The following SUSD4 variants were observed in gnomAD, a reference collection of about 807,000 sequenced individuals.
SUSD4 encodes the protein sushi domain-containing protein 4.
A neutral mutation model predicts 50.5 loss-of-function variants in SUSD4; 41 were observed. That is an observed-to-expected ratio of 0.81 (90% CI 0.63 to 1.05). SUSD4 has a LOEUF of 1.05. SUSD4 is among the 50% of genes least tolerant of loss of function. The pLI is 0.00. For synonymous variants in SUSD4, 257 were observed against 257.3 expected (o/e 1.00, Z 0.01); for missense variants, 580 against 634.7 (o/e 0.91, Z 0.93).
At chr1:223,308,197 G>A (rs1341861127) in intron 2 of SUSD4, among the ~76,000 whole-genome samples, 2 of 152,150 alleles carry the variant, frequency 1.3e-5, no homozygotes, top group Admixed American at 1.3e-4. Context: ...AGTGTTGGAG[G>A]TGGGGCCTGG....
chr1:223,241,767 A>T (rs1348500327), intron 5 of SUSD4, among the ~76,000 whole-genome samples: 1 of 152,118 alleles, frequency 6.6e-6, no homozygotes, highest in African/African-American at 2.4e-5. Flanking sequence ...CTGACTTAGG[A>T]GCTAAGTGCT....
intron 2 of SUSD4, among the ~76,000 whole-genome samples, chr1:223,306,225 C>T (rs1665526841): frequency 6.6e-6 from 1 of 152,168 alleles, no homozygotes; most frequent in Non-Finnish European, 1.5e-5. Context: ...GATAACAATG[C>T]TAACTCATAA....
chr1:223,273,737 T>G (rs1313473305), intron 3 of SUSD4, among the ~76,000 whole-genome samples: 4 of 152,096 alleles, frequency 2.6e-5, no homozygotes, highest in South Asian at 4.2e-4. Context: ...GCTTGGTGAG[T>G]TTCCCTGGTT....
intron 2 of SUSD4, among the ~76,000 whole-genome samples, chr1:223,304,330 C>A (rs1665382922): frequency 6.6e-6 from 1 of 152,170 alleles, no homozygotes; most frequent in South Asian, 2.1e-4. Context: ...TTTACACAAT[C>A]CTGCATGCAA....
chr1:223,235,438 G>A (rs1424950404), intron 5 of SUSD4, among the ~76,000 whole-genome samples: 2 of 152,126 alleles, frequency 1.3e-5, no homozygotes, highest in Non-Finnish European at 2.9e-5. Flanking sequence ...TAAATGTGTA[G>A]TGACATGTAT....
intron 2 of SUSD4, among the ~76,000 whole-genome samples, chr1:223,310,518 A>G (rs1665810347): frequency 6.6e-6 from 1 of 152,212 alleles, no homozygotes; most frequent in Admixed American, 6.5e-5. Context: ...AACAACAACA[A>G]TAAAAGAAAT....
chr1:223,335,194 AT>A lies in SUSD4; in HGVS notation c.148+28083del, dbSNP rs112039576. Among the ~76,000 whole-genome samples the A allele has an allele frequency of 6.6e-5, 10 of 152,076 alleles. No individual in the cohort carries two copies. The South Asian group carries it at 1.7e-3, about 25-fold the overall frequency. ...CTGCTATAAACATGTGTATGCAAGT[AT>A]TTTTTTTCATATAATGACTTCTTTT... On this transcript the variant is annotated intron_variant, in intron 2 of 8. Coordinates refer to ENST00000366878, the MANE Select transcript of SUSD4 (RefSeq NM_017982.4).
intron 5 of SUSD4, among the ~76,000 whole-genome samples, chr1:223,230,001 G>T (rs1013201332): frequency 2.6e-5 from 4 of 152,174 alleles, no homozygotes; most frequent in African/African-American, 9.7e-5. Flanking sequence ...ACACCACACT[G>T]TGTGACCTTA....
intron 8 of SUSD4, among the ~76,000 whole-genome samples, chr1:223,222,623 T>C (rs183509337): frequency 6.6e-6 from 1 of 152,332 alleles, no homozygotes; most frequent in Admixed American, 6.5e-5. Flanking sequence ...GCCAAATTAG[T>C]GCTCTCATTT....
chr1:223,241,041 C>A (rs1270919100), intron 5 of SUSD4, among the ~76,000 whole-genome samples: 1 of 152,120 alleles, frequency 6.6e-6, no homozygotes, highest in Admixed American at 6.5e-5. Flanking sequence ...GTTTTGTTTC[C>A]CTTCACTCTC....
chr1:223,359,876 T>A (rs1178402467), intron 2 of SUSD4, among the ~76,000 whole-genome samples: 1 of 151,976 alleles, frequency 6.6e-6, no homozygotes, highest in Non-Finnish European at 1.5e-5. Context: ...AGGAAAAAAA[T>A]GAGTAAGAGA....
rs777056941 is a variant in SUSD4, at chr1:223,222,140, A to T, written c.*52T>A. 15 of 1,596,034 alleles carry T rather than the reference A, an allele frequency of 9.4e-6. No individual in the cohort carries two copies. The highest frequency in any genetic ancestry group is 1.2e-5 in the Non-Finnish European group (14 of 1,168,572). On this transcript the variant is annotated 3_prime_UTR_variant, in exon 9 of 9. Transcript: ENST00000366878. ...TCCTTCTGTGACCTCACTCCAAGAT[A>T]CAAGGTCCTTTCCCCGAAGGAGCAG...
At chr1:223,360,044 A>C (rs905127815) in intron 2 of SUSD4, among the ~76,000 whole-genome samples, 1 of 152,152 alleles carries the variant, frequency 6.6e-6, no homozygotes, top group Non-Finnish European at 1.5e-5. Flanking sequence ...AAGTGCCTAC[A>C]TGATTTCCAT....
intron 3 of SUSD4, among the ~76,000 whole-genome samples, chr1:223,272,903 G>A (rs1449996296): frequency 1.3e-5 from 2 of 152,244 alleles, no homozygotes; most frequent in East Asian, 3.9e-4. Flanking sequence ...CACTTGCATG[G>A]GAGAAGACTG....
At chr1:223,295,765 T>C (rs1664778813) in intron 2 of SUSD4, among the ~76,000 whole-genome samples, 1 of 150,588 alleles carries the variant, frequency 6.6e-6, no homozygotes, top group Non-Finnish European at 1.5e-5. Flanking sequence ...GAGAGGGGCA[T>C]GGGTGTCAAG....
At chr1:223,242,222 C>A (rs767741147) in intron 5 of SUSD4, among the ~76,000 whole-genome samples, 2 of 152,178 alleles carry the variant, frequency 1.3e-5, no homozygotes, top group African/African-American at 4.8e-5. Flanking sequence ...GGATTACAGG[C>A]ATGAACCACT....
chr1:223,293,199 G>A (rs1664608072), intron 2 of SUSD4, among the ~76,000 whole-genome samples: 1 of 152,056 alleles, frequency 6.6e-6, no homozygotes, highest in South Asian at 2.1e-4. Context: ...GGGGTGGCTG[G>A]GAATGCCCTT....
At chr1:223,261,697 C>G (rs1662131775) in intron 5 of SUSD4, among the ~76,000 whole-genome samples, 1 of 152,154 alleles carries the variant, frequency 6.6e-6, no homozygotes, top group Admixed American at 6.5e-5. Context: ...CCTGAACAAC[C>G]AAAATTGTGT....
chr1:223,307,258 T>C (rs1665594249), intron 2 of SUSD4, among the ~76,000 whole-genome samples: 1 of 152,238 alleles, frequency 6.6e-6, no homozygotes, highest in Admixed American at 6.5e-5. Flanking sequence ...TATGGCTATT[T>C]GTTGTTTTTT....
Sources: allele counts gnomAD v4.1 joint callset (sites outside exome capture counted in the v4.1 genomes callset), GRCh38; gene constraint gnomAD v4.1.1; transcripts MANE v1.5; gene names NCBI Gene and HGNC (gene_info 2026-07-23, HGNC 2026-07-21).